The following CASZ1 variants were observed in gnomAD, a reference collection of about 807,000 sequenced individuals.
The protein encoded by CASZ1 is castor zinc finger 1, also known as zinc finger protein castor homolog 1.
CASZ1 carries 28 observed loss-of-function variants against 135.2 expected under a neutral mutation model. The observed-to-expected ratio is 0.21, with a 90% confidence interval of 0.15 to 0.28. CASZ1 has a LOEUF of 0.28. CASZ1 is among the 10% of genes least tolerant of loss of function. The probability of loss-of-function intolerance (pLI) is 1.00; values close to 1 mark genes in which losing one functional copy is unlikely to be tolerated. For missense variants in CASZ1, 2,161 were observed against 2,453.3 expected, an observed-to-expected ratio of 0.88 and a Z score of 2.52; for synonymous variants, 1,068 against 1,073.4, an observed-to-expected ratio of 0.99 and a Z score of 0.10.
intron 1 of CASZ1, among the ~76,000 whole-genome samples, chr1:10,790,610 T>C (rs1164155669): frequency 6.6e-6 from 1 of 152,272 alleles, no homozygotes; most frequent in African/African-American, 2.4e-5. Context: ...TTTATATTTT[T>C]ATTTTCAATG....
chr1:10,641,276 G>C (rs905971386), intron 20 of CASZ1, among the ~76,000 whole-genome samples: 22 of 152,264 alleles, frequency 1.4e-4, no homozygotes, highest in African/African-American at 4.8e-4. Context: ...TGAAGTCACA[G>C]GGTCTGGTTA....
At chr1:10,664,097 C>T (rs1643145047) in intron 5 of CASZ1, among the ~76,000 whole-genome samples, 1 of 152,242 alleles carries the variant, frequency 6.6e-6, no homozygotes, top group African/African-American at 2.4e-5. Context: ...ATTACTCTGT[C>T]ACTGATGTGG....
In CASZ1 at chr1:10,717,381, G is replaced by GTTTT. The variant is rs1168377452; in HGVS notation, c.-76-11841_-76-11838dup. Among the ~76,000 whole-genome samples, 1 of 151,264 alleles carries GTTTT rather than the reference G, an allele frequency of 6.6e-6. No homozygotes were observed. Among genetic ancestry groups the GTTTT allele is most frequent in the Non-Finnish European group, 1.5e-5 (1 of 67,782 alleles). On this transcript the variant is annotated intron_variant, in intron 2 of 20. Transcript: ENST00000377022. The surrounding 1 kb of genome is among the most constrained non-coding windows in gnomAD (Gnocchi z 4.6). ...CTGGGGTGTTGGTGAGTTGTTGGAG[G>GTTTT]TTTTTTTTTCTTTTCTTTTCTTTTT...
At chr1:10,775,552 A>C (rs537079686) in intron 1 of CASZ1, among the ~76,000 whole-genome samples, 54 of 152,258 alleles carry the variant, frequency 3.5e-4, no homozygotes, top group African/African-American at 1.1e-3. Context: ...TTTCTGGCCT[A>C]GGTCTTTTTC....
intron 13 of CASZ1, 66 bp downstream of exon 13, chr1:10,650,626 A>AC (rs1553125584): frequency 3.0e-6 from 4 of 1,329,282 alleles, no homozygotes; most frequent in African/African-American, 1.5e-5. Context: ...ACATCCCCCC[A>AC]CCCCCCAGCA....
At position 10,759,220 on chromosome 1, in the gene CASZ1, A is replaced by C. The variant is rs1640316899; in HGVS notation, c.-77+1481T>G. 6.6e-6 allele frequency among the ~76,000 whole-genome samples: 1 copy of C among 152,170 alleles called. No homozygotes were observed. The highest frequency in any genetic ancestry group is 2.4e-5 in the African/African-American group (1 of 41,428). ...TGGGCAAGACCACCCTGAGGCTTGCATATATTTGAGCCTGCATCCCAGGAT... is the reference window on the plus strand; with the variant it reads ...TGGGCAAGACCACCCTGAGGCTTGCCTATATTTGAGCCTGCATCCCAGGAT... On this transcript the variant is annotated intron_variant, in intron 2 of 20. Coordinates refer to ENST00000377022, the MANE Select transcript of CASZ1 (RefSeq NM_001079843.3). This position sits in a 1 kb window ranked among gnomAD's most constrained non-coding sequence, Gnocchi z 4.2.
At chr1:10,758,557 C>T (rs1428735140) in intron 2 of CASZ1, among the ~76,000 whole-genome samples, 1 of 152,182 alleles carries the variant, frequency 6.6e-6, no homozygotes, top group Admixed American at 6.5e-5. Context: ...GTCTTAAACT[C>T]CTGACCTCAA....
At position 10,653,367 on chromosome 1, in the gene CASZ1, G is replaced by A; in HGVS notation, c.2680+10C>T. The A allele has an allele frequency of 1.2e-6, 2 of 1,612,992 alleles. No homozygotes were observed. The highest frequency in any genetic ancestry group is 2.2e-5 in the South Asian group (2 of 91,050). Reference sequence around the variant, plus strand: ...GTGCCTGCTTTCTGGGCAGGACCCAGCCTGCTCACCTGGGTCAAAGGTGGC... The same window carrying A: ...GTGCCTGCTTTCTGGGCAGGACCCAACCTGCTCACCTGGGTCAAAGGTGGC... On this transcript the variant is annotated intron_variant, in intron 11 of 20. Transcript: ENST00000377022.
rs932606676 is a variant in CASZ1, at chr1:10,739,093, G to T, written c.-77+21608C>A. 3.0e-4 allele frequency among the ~76,000 whole-genome samples: 45 copies of T among 151,986 alleles called. No homozygotes were observed. Among genetic ancestry groups the T allele is most frequent in the Non-Finnish European group, 5.7e-4 (39 of 67,950 alleles). On this transcript the variant is annotated intron_variant, in intron 2 of 20. Transcript: ENST00000377022. The surrounding 1 kb of genome is among the most constrained non-coding windows in gnomAD (Gnocchi z 4.8). Reference sequence around the variant, plus strand: ...AGTTCTTTTTTAAAATTTTGCTGGGGGTCCGGGGGAAGAAGGAAAAAAAGC... The same window carrying T: ...AGTTCTTTTTTAAAATTTTGCTGGGTGTCCGGGGGAAGAAGGAAAAAAAGC...
intron 1 of CASZ1, among the ~76,000 whole-genome samples, chr1:10,780,528 A>G (rs1484936204): frequency 6.6e-6 from 1 of 152,152 alleles, no homozygotes; most frequent in Admixed American, 6.5e-5. Context: ...TCAAAACCAT[A>G]TTCTTTTATG....
chr1:10,660,752 C>T (rs937282667), intron 5 of CASZ1: 12 of 556,570 alleles, frequency 2.2e-5, no homozygotes, highest in Admixed American at 3.6e-5. Flanking sequence ...TAAAATAAAA[C>T]GAGTTCATCA....
chr1:10,716,451 A>T (rs1296872325), intron 2 of CASZ1, among the ~76,000 whole-genome samples: 1 of 152,238 alleles, frequency 6.6e-6, no homozygotes, highest in Admixed American at 6.5e-5. Flanking sequence ...GCTTGCTCAC[A>T]TCAAAAGATT....
At chr1:10,651,236 T>A (rs1642573523) in intron 11 of CASZ1, 160 bp from the exon 12 acceptor site, 1 of 455,584 alleles carries the variant, frequency 2.2e-6, no homozygotes. Context: ...CGCTCGCTCC[T>A]GTGTGGCAAT....
At chr1:10,723,239 A>G (rs1354171584) in intron 2 of CASZ1, among the ~76,000 whole-genome samples, 1 of 152,168 alleles carries the variant, frequency 6.6e-6, no homozygotes, top group Non-Finnish European at 1.5e-5. Flanking sequence ...ACACCCAGCC[A>G]GAGGGGCCCA....
At chr1:10,736,729 C>T (rs1176704134) in intron 2 of CASZ1, among the ~76,000 whole-genome samples, 3 of 152,234 alleles carry the variant, frequency 2.0e-5, no homozygotes, top group African/African-American at 7.2e-5. Context: ...GACGAGTGAA[C>T]CACCAGCTTG....
rs1416991688 is a variant in CASZ1 at position 10,719,959 on chromosome 1, G to A, written c.-76-14415C>T. ...TATGGTGCCTGAACACAGGTCCTCC[G>A]ACAGCACCAGGGTGCGGTGTGTTTG... On this transcript the variant is annotated intron_variant, in intron 2 of 20. Coordinates refer to ENST00000377022, the MANE Select transcript of CASZ1 (RefSeq NM_001079843.3). This position sits in a 1 kb window ranked among gnomAD's most constrained non-coding sequence, Gnocchi z 4.0. 6.6e-6 allele frequency among the ~76,000 whole-genome samples: 1 copy of A among 152,232 alleles called. No homozygotes were observed. The highest frequency in any genetic ancestry group is 1.5e-5 in the Non-Finnish European group (1 of 68,048).
At position 10,721,147 on chromosome 1, in the gene CASZ1, A is replaced by G. The variant is rs1331898754; in HGVS notation, c.-76-15603T>C. Among the ~76,000 whole-genome samples, 1 of 151,944 alleles carries G rather than the reference A, an allele frequency of 6.6e-6. No homozygotes were observed. Among genetic ancestry groups the G allele is most frequent in the East Asian group, 1.9e-4 (1 of 5,136 alleles). ...CCTTGGCTCCTTGATTTATTTGCCTATTAATTATCTTTCTGGCCAAGCTTG... is the reference window on the plus strand; with the variant it reads ...CCTTGGCTCCTTGATTTATTTGCCTGTTAATTATCTTTCTGGCCAAGCTTG... On this transcript the variant is annotated intron_variant, in intron 2 of 20. Coordinates refer to ENST00000377022, the MANE Select transcript of CASZ1 (RefSeq NM_001079843.3). This position sits in a 1 kb window ranked among gnomAD's most constrained non-coding sequence, Gnocchi z 5.4.
At chr1:10,715,624 C>G in intron 2 of CASZ1, among the ~76,000 whole-genome samples, 1 of 145,278 alleles carries the variant, frequency 6.9e-6, no homozygotes, top group African/African-American at 2.6e-5. Flanking sequence ...CCGCTCCCCA[C>G]AGCACCCAAT....
rs905652985 is a variant in CASZ1 at position 10,701,024 on chromosome 1, A to G, written c.-24+4468T>C. Among the ~76,000 whole-genome samples the G allele has an allele frequency of 2.0e-5, 3 of 152,220 alleles. No homozygotes were observed. Among genetic ancestry groups the G allele is most frequent in the East Asian group, 1.9e-4 (1 of 5,198 alleles). ...TCAGCCCGCACACAGTCAGTGCTCA[A>G]TAAGGATTAGCTGTTAATATGGATC... On this transcript the variant is annotated intron_variant, in intron 3 of 20. Coordinates refer to ENST00000377022, the MANE Select transcript of CASZ1 (RefSeq NM_001079843.3). This position sits in a 1 kb window ranked among gnomAD's most constrained non-coding sequence, Gnocchi z 6.3.
Sources: allele counts gnomAD v4.1 joint callset (sites outside exome capture counted in the v4.1 genomes callset), GRCh38; gene constraint gnomAD v4.1.1; non-coding constraint Gnocchi (gnomAD v3.1); transcripts MANE v1.5; gene names NCBI Gene and HGNC (gene_info 2026-07-23, HGNC 2026-07-21).